Variants in CSMD3 observed in about 807,000 individuals in gnomAD.
The protein encoded by CSMD3 is CUB and Sushi multiple domains 3, also known as CUB and sushi domain-containing protein 3.
A neutral mutation model predicts 435.2 loss-of-function variants in CSMD3; 177 were observed. That is an observed-to-expected ratio of 0.41 (90% confidence interval 0.36 to 0.46). CSMD3 has a LOEUF of 0.46. Ranked by LOEUF, CSMD3 falls within the 20% of genes least tolerant of loss-of-function variation. The pLI is 0.34. For missense variants in CSMD3, 4,265 were observed against 4,504.6 expected (o/e 0.95, Z 1.52); for synonymous variants, 1,656 against 1,520.5 (o/e 1.09, Z -2.07).
chr8:112,303,939 A>AT, intron 52 of CSMD3, among the ~76,000 whole-genome samples: 1 of 152,094 alleles, frequency 6.6e-6, no homozygotes, highest in Non-Finnish European at 1.5e-5. Context: ...AAAAGACTGA[A>AT]TTTTCGCCTA....
intron 31 of CSMD3, among the ~76,000 whole-genome samples, chr8:112,483,059 G>A (rs188370072): frequency 6.6e-6 from 1 of 152,092 alleles, no homozygotes; most frequent in Non-Finnish European, 1.5e-5. Flanking sequence ...TGCTGTATTA[G>A]GAAAAATGAC....
intron 1 of CSMD3, among the ~76,000 whole-genome samples, chr8:113,429,468 C>CA (rs1418557128): frequency 6.6e-6 from 1 of 151,916 alleles, no homozygotes; most frequent in Non-Finnish European, 1.5e-5. Context: ...AAAAAGTCAA[C>CA]ACACTGATTT....
At position 113,250,061 on chromosome 8, in the gene CSMD3, C is replaced by G. The variant is rs532284445; in HGVS notation, c.514+28531G>C. Reference sequence around the variant, plus strand: ...ACAAATCACAGGTTCTTTTCTATGTCCTCTTTAAGTTACCAGGGGTAAAGA... The same window carrying G: ...ACAAATCACAGGTTCTTTTCTATGTGCTCTTTAAGTTACCAGGGGTAAAGA... On this transcript the variant is annotated intron_variant, in intron 3 of 70. Coordinates refer to ENST00000297405, the MANE Select transcript of CSMD3 (RefSeq NM_198123.2). Among the ~76,000 whole-genome samples the G allele has an allele frequency of 1.4e-4, 21 of 152,158 alleles. No individual in the cohort carries two copies. In the South Asian group the frequency reaches 4.1e-3, roughly 30 times the overall value.
At chr8:113,028,837 G>A (rs2086972821) in intron 5 of CSMD3, among the ~76,000 whole-genome samples, 1 of 151,566 alleles carries the variant, frequency 6.6e-6, no homozygotes, top group Admixed American at 6.6e-5. Flanking sequence ...TAAGTGCAAG[G>A]TGCATCAGCA....
intron 2 of CSMD3, among the ~76,000 whole-genome samples, chr8:113,305,365 CTAAA>C (rs762202219): frequency 6.6e-6 from 1 of 152,092 alleles, no homozygotes; most frequent in Non-Finnish European, 1.5e-5. Flanking sequence ...TTTCACTTTA[CTAAA>C]TATTTTATTA....
At chr8:112,334,574 T>C (rs1824386685) in intron 45 of CSMD3, among the ~76,000 whole-genome samples, 1 of 152,194 alleles carries the variant, frequency 6.6e-6, no homozygotes, top group African/African-American at 2.4e-5. Flanking sequence ...GAATGTGTTA[T>C]AATGAGACTG....
intron 32 of CSMD3, among the ~76,000 whole-genome samples, chr8:112,421,338 T>A (rs555156883): frequency 6.6e-6 from 1 of 151,688 alleles, no homozygotes; most frequent in South Asian, 2.1e-4. Flanking sequence ...AGGTCAGGAG[T>A]TCGAGACCAG....
chr8:112,503,227 G>A (rs547755674), intron 30 of CSMD3, among the ~76,000 whole-genome samples: 2 of 152,098 alleles, frequency 1.3e-5, no homozygotes, highest in Non-Finnish European at 2.9e-5. Flanking sequence ...GACTACAGAC[G>A]TATGACACCC....
chr8:113,285,108 T>C (rs1312646258), intron 2 of CSMD3, among the ~76,000 whole-genome samples: 2 of 152,162 alleles, frequency 1.3e-5, no homozygotes, highest in Non-Finnish European at 2.9e-5. Flanking sequence ...ACAATGCCCA[T>C]GTAGGTTTCT....
chr8:112,440,447 C>G (rs1203790981), intron 32 of CSMD3, among the ~76,000 whole-genome samples: 55 of 152,162 alleles, frequency 3.6e-4, no homozygotes, highest in Admixed American at 3.5e-3. Flanking sequence ...GCCCACCGCT[C>G]AAGCTGTCAA....
chr8:113,218,443 TTTAAAAAA>T (rs2092930295), intron 3 of CSMD3, among the ~76,000 whole-genome samples: 1 of 147,934 alleles, frequency 6.8e-6, no homozygotes, highest in East Asian at 2.0e-4. Context: ...TTCATAATCT[TTTAAAAAA>T]TCAGTAAAGT....
intron 1 of CSMD3, among the ~76,000 whole-genome samples, chr8:113,406,225 C>A (rs954248234): frequency 4.0e-5 from 6 of 151,838 alleles, no homozygotes; most frequent in Non-Finnish European, 8.9e-5. Flanking sequence ...GTGTTCAGTT[C>A]TGATACTTAA....
chr8:113,324,696 A>G (rs1313939048), intron 1 of CSMD3, among the ~76,000 whole-genome samples: 1 of 152,150 alleles, frequency 6.6e-6, no homozygotes, highest in Non-Finnish European at 1.5e-5. Flanking sequence ...GGCACCACCT[A>G]CTGGAGCTGT....
At chr8:112,257,645 T>C (rs1815935608) in intron 61 of CSMD3, among the ~76,000 whole-genome samples, 2 of 152,112 alleles carry the variant, frequency 1.3e-5, no homozygotes, top group Admixed American at 1.3e-4. Context: ...CACAAATAAA[T>C]GGAAAAACAT....
At chr8:113,118,662 T>G (rs1204396182) in intron 4 of CSMD3, among the ~76,000 whole-genome samples, 1 of 152,204 alleles carries the variant, frequency 6.6e-6, no homozygotes, top group Non-Finnish European at 1.5e-5. Context: ...ACCCTGTATC[T>G]AATTTTTAGA....
chr8:112,542,126 T>C (rs1375439528), intron 27 of CSMD3, among the ~76,000 whole-genome samples: 1 of 150,436 alleles, frequency 6.6e-6, no homozygotes, highest in African/African-American at 2.4e-5. Flanking sequence ...ATCCTCAATA[T>C]ATTAGGAATA....
chr8:112,696,911 C>A (rs1418849976), intron 13 of CSMD3, among the ~76,000 whole-genome samples: 2 of 152,030 alleles, frequency 1.3e-5, no homozygotes, highest in Admixed American at 6.6e-5. Context: ...ACAAAGTGGG[C>A]AAAGGATATG....
intron 47 of CSMD3, among the ~76,000 whole-genome samples, chr8:112,318,392 T>G (rs1586754276): frequency 1.3e-5 from 2 of 152,166 alleles, no homozygotes; most frequent in East Asian, 1.9e-4. Context: ...CACTTAAAAT[T>G]TATTTTTTGT....
intron 19 of CSMD3, among the ~76,000 whole-genome samples, chr8:112,647,009 C>T (rs2074997951): frequency 6.6e-6 from 1 of 152,068 alleles, no homozygotes; most frequent in Admixed American, 6.6e-5. Flanking sequence ...TAACTCAGCC[C>T]CCACAACAAC....
Sources: gnomAD v4.1 joint callset for allele counts (sites outside exome capture counted in the v4.1 genomes callset) on GRCh38, gnomAD v4.1.1 for gene constraint, MANE v1.5 for transcripts, NCBI Gene and HGNC (gene_info 2026-07-23, HGNC 2026-07-21) for gene names.